DIO2: variants seen among roughly 807,000 people sequenced by gnomAD.
DIO2 encodes the protein type II iodothyronine deiodinase.
A neutral mutation model predicts 21.4 loss-of-function variants in DIO2; 19 were observed. The ratio of observed to expected loss-of-function variants is 0.89; its 90% confidence interval spans 0.62 to 1.30. The LOEUF (loss-of-function observed/expected upper bound fraction) is 1.30, where lower values mean the gene tolerates loss of function less well. DIO2 is among the 50% of genes most tolerant of loss of function. The pLI is 0.00. For synonymous variants in DIO2, 122 were observed against 132.9 expected (o/e 0.92, Z 0.57); for missense variants, 302 against 338.1 (o/e 0.89, Z 0.84).
chr14:80,206,333 A>G, intron 1 of DIO2: 2 of 1,527,020 alleles, frequency 1.3e-6, no homozygotes, highest in Non-Finnish European at 1.8e-6. Flanking sequence ...ATGGAGGACA[A>G]TTTAGCTAAA....
At chr14:80,206,476 G>A (rs1887962271) in intron 1 of DIO2, 2 of 539,166 alleles carry the variant, frequency 3.7e-6, no homozygotes, top group African/African-American at 4.0e-5. Context: ...ATAGACCAGA[G>A]TTTCAAATGG....
intron 2 of DIO2, among the ~76,000 whole-genome samples, chr14:80,223,185 C>T (rs1040408238): frequency 3.3e-5 from 5 of 152,032 alleles, no homozygotes; most frequent in Non-Finnish European, 7.4e-5. Context: ...CTTGACATTG[C>T]TATTTGAAAT....
At chr14:80,203,716 T>C (rs1887839382) in intron 1 of DIO2, among the ~76,000 whole-genome samples, 1 of 152,248 alleles carries the variant, frequency 6.6e-6, no homozygotes, top group African/African-American at 2.4e-5. Flanking sequence ...TCTTGGGACA[T>C]GGTCCCTCTT....
rs1242920945 is a variant in DIO2, at chr14:80,201,556, C to T, written c.*1133G>A. 3 of 152,072 alleles carry T rather than the reference C, an allele frequency of 2.0e-5. No homozygotes were observed. The highest frequency in any genetic ancestry group is 7.3e-5 in the African/African-American group (3 of 41,372). The allele number at this position is 152,072 out of a possible 1,614,324, so 9.4% of individuals were successfully genotyped here. A position where few individuals can be genotyped will look rare whatever the true frequency, so the allele number is the denominator to read the frequency against. ...TTCAGCTCAGCATTCAGAGAGAACA[C>T]TGCTATAGAGACCAAGATTAGGAAT... On this transcript the variant is annotated 3_prime_UTR_variant, in exon 2 of 2. Transcript: ENST00000438257.
At chr14:80,213,393 T>A (rs556902304), upstream of DIO2, among the ~76,000 whole-genome samples, 73 of 152,344 alleles carry the variant, frequency 4.8e-4, 1 homozygote, top group South Asian at 6.6e-3. Context: ...TATTGCGTAT[T>A]TTTTCCATGT....
chr14:80,222,057 G>A (rs1204640047), intron 2 of DIO2, among the ~76,000 whole-genome samples: 1 of 152,172 alleles, frequency 6.6e-6, no homozygotes, highest in Non-Finnish European at 1.5e-5. Context: ...AGAAGTGTGT[G>A]CAACTATTTG....
intron 1 of DIO2, among the ~76,000 whole-genome samples, chr14:80,208,704 T>A (rs1888048914): frequency 6.6e-6 from 1 of 152,212 alleles, no homozygotes; most frequent in Non-Finnish European, 1.5e-5. Flanking sequence ...CCAAAGACAG[T>A]GGCACAAATG....
At chr14:80,203,715 A>G (rs548757807) in intron 1 of DIO2, among the ~76,000 whole-genome samples, 1 of 152,362 alleles carries the variant, frequency 6.6e-6, no homozygotes, top group Non-Finnish European at 1.5e-5. Flanking sequence ...GTCTTGGGAC[A>G]TGGTCCCTCT....
intron 2 of DIO2, among the ~76,000 whole-genome samples, chr14:80,223,431 T>C (rs986353562): frequency 2.0e-5 from 3 of 152,168 alleles, no homozygotes; most frequent in Non-Finnish European, 4.4e-5. Context: ...AAAGGTTTTG[T>C]AGGCAATATG....
Position 80,202,465 on chromosome 14 carries a change from T to A in DIO2, c.*224A>T. 1.3e-6 allele frequency: 1 copy of A among 740,856 alleles called. No homozygotes were observed. The allele number at this position is 740,856 out of a possible 1,614,324, so 45.9% of individuals were successfully genotyped here. On this transcript the variant is annotated 3_prime_UTR_variant, in exon 2 of 2. Coordinates refer to ENST00000438257, the MANE Select transcript of DIO2 (RefSeq NM_013989.5). ...CTCTCCATCTTGGGATCTTTTCACA[T>A]AGGGCTTTTTACTAAGAAGAGAGGT...
Position 80,198,535 on chromosome 14 carries a change from G to T in DIO2, c.*4154C>A, listed in dbSNP as rs1887574847. 1.3e-5 allele frequency: 2 copies of T among 152,300 alleles called. No homozygotes were observed. Among genetic ancestry groups the T allele is most frequent in the African/African-American group, 4.8e-5 (2 of 41,398 alleles). The allele number at this position is 152,300 out of a possible 1,614,324, so 9.4% of individuals were successfully genotyped here. A position where few individuals can be genotyped will look rare whatever the true frequency, so the allele number is the denominator to read the frequency against. Reference sequence around the variant, plus strand: ...CAGATTGGTAGACCAAGCCCTCAGGGCCTTGTTCTTCCCAGTTAGCAACTT... The same window carrying T: ...CAGATTGGTAGACCAAGCCCTCAGGTCCTTGTTCTTCCCAGTTAGCAACTT... On this transcript the variant is annotated 3_prime_UTR_variant, in exon 2 of 2. Transcript: ENST00000438257.
rs925781573 is a variant in DIO2 at position 80,197,602 on chromosome 14, TATG to T, written c.*5084_*5086del. 4 of 152,636 alleles carry T rather than the reference TATG, an allele frequency of 2.6e-5. No individual in the cohort carries two copies. Among genetic ancestry groups the T allele is most frequent in the Admixed American group, 6.5e-5 (1 of 15,286 alleles). The allele number at this position is 152,636 out of a possible 1,614,324, so 9.5% of individuals were successfully genotyped here. A position where few individuals can be genotyped will look rare whatever the true frequency, so the allele number is the denominator to read the frequency against. On this transcript the variant is annotated 3_prime_UTR_variant, in exon 2 of 2. Transcript: ENST00000438257. ...AAGCACACATAGCACTCAGCACCAA[TATG>T]ATAACACTCTTTCTACTGATAATCT...
At chr14:80,224,536 A>ACACAC (rs1292719181) in intron 2 of DIO2, among the ~76,000 whole-genome samples, 143 of 53,936 alleles carry the variant, frequency 2.7e-3, no homozygotes, top group Non-Finnish European at 2.6e-3. Flanking sequence ...CACACACACA[A>ACACAC]GACAACAATG....
At chr14:80,217,450 G>C (rs186930239) in intron 2 of DIO2, among the ~76,000 whole-genome samples, 79 of 152,206 alleles carry the variant, frequency 5.2e-4, no homozygotes, top group Admixed American at 7.2e-4. Flanking sequence ...CAATTTTGAA[G>C]ACTAATTTTT....
At chr14:80,211,541 GGT>G, upstream of DIO2, 4 of 797,278 alleles carry the variant, frequency 5.0e-6, no homozygotes, top group East Asian at 3.4e-5. Context: ...TTAAAAGGGG[GGT>G]GGTGATAAAG....
chr14:80,219,216 G>C (rs1439620002), intron 2 of DIO2, among the ~76,000 whole-genome samples: 1 of 152,156 alleles, frequency 6.6e-6, no homozygotes, highest in East Asian at 1.9e-4. Context: ...AGGTAGGGCT[G>C]GATTTAGAGG....
chr14:80,199,318 AAC>A lies in DIO2; in HGVS notation c.*3369_*3370del, dbSNP rs1887619200. 6.6e-6 allele frequency: 1 copy of A among 152,250 alleles called. No individual in the cohort carries two copies. Among genetic ancestry groups the A allele is most frequent in the Non-Finnish European group, 1.5e-5 (1 of 68,048 alleles). 9.4% of individuals were successfully genotyped at this position (152,250 alleles called of 1,614,324 possible). The stretch of plus-strand genomic sequence containing the variant: ...ATGAGAGAATAAGCACTTCCTGGTT[AAC>A]GGGAGAAGAACTTAACTGAACAGAT... On this transcript the variant is annotated 3_prime_UTR_variant, in exon 2 of 2. Transcript: ENST00000438257.
chr14:80,224,683 G>C (rs1260224719), intron 2 of DIO2, among the ~76,000 whole-genome samples: 1 of 152,074 alleles, frequency 6.6e-6, no homozygotes, highest in Admixed American at 6.6e-5. Flanking sequence ...ATCTGTTATA[G>C]CAGCCACAGG....
At chr14:80,218,498 C>G (rs566993499) in intron 2 of DIO2, among the ~76,000 whole-genome samples, 1 of 152,272 alleles carries the variant, frequency 6.6e-6, no homozygotes, top group Non-Finnish European at 1.5e-5. Flanking sequence ...ACATAACATT[C>G]CCTTTATTTT....
Sources: allele counts gnomAD v4.1 joint callset (sites outside exome capture counted in the v4.1 genomes callset), GRCh38; gene constraint gnomAD v4.1.1; transcripts MANE v1.5; gene names NCBI Gene and HGNC (gene_info 2026-07-23, HGNC 2026-07-21).